The following TNFRSF21 variants were observed in gnomAD, a reference collection of about 807,000 sequenced individuals.
The protein encoded by TNFRSF21 is tumor necrosis factor receptor superfamily member 21.
A neutral mutation model predicts 45.6 loss-of-function variants in TNFRSF21; 19 were observed. That is an observed-to-expected ratio of 0.42 (90% CI 0.29 to 0.61). The LOEUF (loss-of-function observed/expected upper bound fraction) is 0.61, where lower values mean the gene tolerates loss of function less well. TNFRSF21 is among the 20% of genes least tolerant of loss of function. The pLI is 0.23. For missense variants in TNFRSF21, 737 were observed against 851.5 expected (o/e 0.87, Z 1.67); for synonymous variants, 314 against 335.5 (o/e 0.94, Z 0.70).
chr6:47,275,512 C>T (rs1430282989), intron 3 of TNFRSF21, among the ~76,000 whole-genome samples: 4 of 151,944 alleles, frequency 2.6e-5, no homozygotes, highest in East Asian at 1.9e-4. Flanking sequence ...TGGGGGGTGG[C>T]GGACTCGGGG....
rs139750394 is a variant in TNFRSF21, at chr6:47,245,914, G to T, written c.1509+7342C>A. On this transcript the variant is annotated intron_variant, in intron 4 of 5. Coordinates refer to ENST00000296861, the MANE Select transcript of TNFRSF21 (RefSeq NM_014452.5). ...AAGGGGAAGCAGGCATGTCTTACAT[G>T]GTCAGAGCAGTGGTGATAGGGGGAG... Among the ~76,000 whole-genome samples, 8 of 152,290 alleles carry T rather than the reference G, an allele frequency of 5.3e-5. No homozygotes were observed. The East Asian group carries it at 1.4e-3, about 26-fold the overall frequency.
chr6:47,243,643 C>G (rs1459891460), intron 4 of TNFRSF21, among the ~76,000 whole-genome samples: 2 of 152,084 alleles, frequency 1.3e-5, no homozygotes, highest in East Asian at 3.9e-4. Context: ...TTCTCAAACT[C>G]CTAACTTCAA....
At chr6:47,278,406 T>C (rs1185268346) in intron 3 of TNFRSF21, among the ~76,000 whole-genome samples, 3 of 152,256 alleles carry the variant, frequency 2.0e-5, no homozygotes, top group African/African-American at 7.2e-5. Context: ...TTATCTGTCC[T>C]ATCCAATATG....
chr6:47,284,567 T>C, intron 2 of TNFRSF21, 135 bp from the exon 3 acceptor site: 1 of 1,064,738 alleles, frequency 9.4e-7, no homozygotes, highest in South Asian at 3.3e-5. Context: ...AAGAATAAAT[T>C]GTGTTGCACA....
At chr6:47,235,918 C>T (rs1052029887) in intron 4 of TNFRSF21, among the ~76,000 whole-genome samples, 4 of 152,132 alleles carry the variant, frequency 2.6e-5, no homozygotes, top group Admixed American at 2.0e-4. Context: ...GTGAGCTTCA[C>T]CACCACTCTG....
At chr6:47,280,433 C>T (rs377536062) in intron 3 of TNFRSF21, among the ~76,000 whole-genome samples, 10 of 152,130 alleles carry the variant, frequency 6.6e-5, no homozygotes, top group Admixed American at 3.3e-4. Context: ...GGATTTTACC[C>T]GGTTGCATGT....
At chr6:47,245,096 G>T (rs965956833) in intron 4 of TNFRSF21, among the ~76,000 whole-genome samples, 3 of 152,152 alleles carry the variant, frequency 2.0e-5, no homozygotes, top group Non-Finnish European at 2.9e-5. Flanking sequence ...GCCAGGAAGG[G>T]TGTAGATTAA....
At chr6:47,253,040 T>G (rs1160000394) in intron 4 of TNFRSF21, among the ~76,000 whole-genome samples, 1 of 152,082 alleles carries the variant, frequency 6.6e-6, no homozygotes, top group African/African-American at 2.4e-5. Context: ...TCAGTATTTT[T>G]TTTTAAAGTT....
chr6:47,309,527 T>G lies in TNFRSF21; in HGVS notation c.-16A>C, dbSNP rs781388865. Reference sequence around the variant, plus strand: ...AGGTCCCCATGGCTGAACCGGGGACTCGCAGGGGCGCCCGGGGCGCGCGGG... The same window carrying G: ...AGGTCCCCATGGCTGAACCGGGGACGCGCAGGGGCGCCCGGGGCGCGCGGG... On this transcript the variant is annotated 5_prime_UTR_variant, in exon 1 of 6. Transcript: ENST00000296861. 2 of 1,422,322 alleles carry G rather than the reference T, an allele frequency of 1.4e-6. No individual in the cohort carries two copies. Among genetic ancestry groups the G allele is most frequent in the Admixed American group, 6.2e-5 (2 of 32,086 alleles). The allele number at this position is 1,422,322 out of a possible 1,614,324, so 88.1% of individuals were successfully genotyped here.
intron 1 of TNFRSF21, among the ~76,000 whole-genome samples, chr6:47,308,818 C>T (rs1762975513): frequency 6.6e-6 from 1 of 152,220 alleles, no homozygotes; most frequent in African/African-American, 2.4e-5. Flanking sequence ...CCACCCGAGC[C>T]AAGAGGGAAG....
At chr6:47,283,017 G>A (rs1178051534) in intron 3 of TNFRSF21, among the ~76,000 whole-genome samples, 1 of 152,058 alleles carries the variant, frequency 6.6e-6, no homozygotes, top group East Asian at 1.9e-4. Flanking sequence ...CACGCCAAAT[G>A]GTATAAATAT....
chr6:47,307,510 C>T (rs1200231856), intron 1 of TNFRSF21, among the ~76,000 whole-genome samples: 1 of 152,126 alleles, frequency 6.6e-6, no homozygotes, highest in African/African-American at 2.4e-5. Flanking sequence ...TCCTGAGTTG[C>T]TGGGCATACA....
At chr6:47,307,664 G>GT (rs146493534) in intron 1 of TNFRSF21, among the ~76,000 whole-genome samples, 2,139 of 152,326 alleles carry the variant, frequency 0.014, 23 homozygotes, top group Non-Finnish European at 0.022. Context: ...ATAAGCCAGG[G>GT]TGCCTAGCCT....
At chr6:47,257,968 G>A (rs1290444174) in intron 3 of TNFRSF21, among the ~76,000 whole-genome samples, 1 of 152,162 alleles carries the variant, frequency 6.6e-6, no homozygotes, top group Non-Finnish European at 1.5e-5. Flanking sequence ...ATTATTTGCT[G>A]GAATTATTCT....
chr6:47,277,092 C>G (rs1358219792), intron 3 of TNFRSF21, among the ~76,000 whole-genome samples: 1 of 152,134 alleles, frequency 6.6e-6, no homozygotes, highest in Non-Finnish European at 1.5e-5. Context: ...CTCCTGAGTT[C>G]CAGTGATTCC....
intron 3 of TNFRSF21, among the ~76,000 whole-genome samples, chr6:47,267,306 G>A (rs1451803964): frequency 2.0e-5 from 3 of 151,898 alleles, no homozygotes; most frequent in Non-Finnish European, 2.9e-5. Flanking sequence ...CACCATGTTG[G>A]CCAGGCTGGT....
chr6:47,254,639 G>A (rs962205782), intron 3 of TNFRSF21, among the ~76,000 whole-genome samples: 5 of 152,200 alleles, frequency 3.3e-5, no homozygotes, highest in Non-Finnish European at 7.3e-5. Context: ...AACTAACAGT[G>A]TGCCCAGCTG....
At chr6:47,283,735 G>C (rs1350102225) in intron 3 of TNFRSF21, among the ~76,000 whole-genome samples, 2 of 152,194 alleles carry the variant, frequency 1.3e-5, no homozygotes, top group African/African-American at 4.8e-5. Context: ...CAGGGGAAAA[G>C]GAGGAAGAGA....
intron 1 of TNFRSF21, among the ~76,000 whole-genome samples, chr6:47,305,002 A>G (rs924758672): frequency 3.3e-5 from 5 of 152,184 alleles, no homozygotes; most frequent in Non-Finnish European, 7.3e-5. Context: ...TACTGAGGCT[A>G]ACGTATGTCA....
Sources: allele counts gnomAD v4.1 joint callset (sites outside exome capture counted in the v4.1 genomes callset), GRCh38; gene constraint gnomAD v4.1.1; transcripts MANE v1.5; gene names NCBI Gene and HGNC (gene_info 2026-07-23, HGNC 2026-07-21).